PARP12: variants seen among roughly 807,000 people sequenced by gnomAD.
PARP12 encodes poly(ADP-ribose) polymerase family member 12.
Under a neutral mutation model 72.4 loss-of-function variants are expected in PARP12, and 59 were observed. The observed-to-expected ratio is 0.81, with a 90% CI of 0.66 to 1.01. PARP12 has a LOEUF of 1.01. PARP12 is among the 50% of genes least tolerant of loss of function. The pLI is 0.00. For missense variants in PARP12, 851 were observed against 914.0 expected, an observed-to-expected ratio of 0.93 and a Z score of 0.89; for synonymous variants, 403 against 371.4, an observed-to-expected ratio of 1.09 and a Z score of -0.98.
Position 140,038,819 on chromosome 7 carries a change from G to A in PARP12, c.1183-963C>T, listed in dbSNP as rs1297023157. Among the ~76,000 whole-genome samples the A allele has an allele frequency of 3.3e-5, 5 of 152,242 alleles. No individual in the cohort carries two copies. In the South Asian group the frequency reaches 6.2e-4, roughly 19 times the overall value. ...TACTAACAGAACAAAAGTGAGACAA[G>A]ACAAGAGTCACCCATGCCTCTGCGC... is the stretch of plus-strand genomic sequence containing the variant. On this transcript the variant is annotated intron_variant, in intron 6 of 11. Coordinates refer to ENST00000263549, the MANE Select transcript of PARP12 (RefSeq NM_022750.4).
intron 4 of PARP12, among the ~76,000 whole-genome samples, chr7:140,049,691 C>T (rs749363934): frequency 5.0e-4 from 76 of 152,172 alleles, no homozygotes; most frequent in Non-Finnish European, 9.7e-4. Context: ...AATCAAACAG[C>T]AGGCCTGAGG....
intron 6 of PARP12, chr7:140,038,186 A>G (rs1212362085): frequency 1.0e-6 from 1 of 985,418 alleles, no homozygotes; most frequent in East Asian, 1.1e-4. Context: ...GAACAGCAAC[A>G]GCGACTTCTG....
chr7:140,059,328 T>C (rs1044565310), intron 1 of PARP12, among the ~76,000 whole-genome samples: 3 of 151,888 alleles, frequency 2.0e-5, no homozygotes, highest in African/African-American at 7.2e-5. Context: ...CTTATCATTA[T>C]AGGTTACATA....
intron 5 of PARP12, among the ~76,000 whole-genome samples, chr7:140,044,184 A>G (rs1816616106): frequency 6.6e-6 from 1 of 152,196 alleles, no homozygotes; most frequent in African/African-American, 2.4e-5. Flanking sequence ...ACAGCCAGAG[A>G]GAAAAAAACA....
intron 5 of PARP12, among the ~76,000 whole-genome samples, chr7:140,045,632 G>C (rs1292272750): frequency 6.6e-6 from 1 of 151,952 alleles, no homozygotes; most frequent in East Asian, 1.9e-4. Flanking sequence ...TAGATTTCCA[G>C]AGCAGCCACT....
intron 9 of PARP12, 47 bp downstream of exon 9, chr7:140,028,566 T>C: frequency 6.7e-7 from 1 of 1,483,770 alleles, no homozygotes. Flanking sequence ...CACACCCACT[T>C]CTACAGAACA....
rs1281099635 is a variant in PARP12 at position 140,062,803 on chromosome 7, G to A, written c.45C>T (p.Cys15=). The A allele has an allele frequency of 2.1e-6, 3 of 1,414,896 alleles. No homozygotes were observed. Among genetic ancestry groups the A allele is most frequent in the Non-Finnish European group, 2.8e-6 (3 of 1,082,086 alleles). The allele number at this position is 1,414,896 out of a possible 1,614,324, so 87.6% of individuals were successfully genotyped here. ...GVVGEVTQVL[C]AAGGALELPE... The stretch of plus-strand genomic sequence containing the variant: ...GCAACTCCAGGGCGCCCCCGGCCGC[G>A]CACAGCACCTGGGTGACCTCACCGA... The change falls in exon 1 of 12, where the codon TGC becomes TGT. Residue 15 remains cysteine (C), a synonymous_variant. Coordinates refer to ENST00000263549, the MANE Select transcript of PARP12 (RefSeq NM_022750.4).
At chr7:140,026,034 C>A (rs1480152933) in intron 11 of PARP12, among the ~76,000 whole-genome samples, 163 bp downstream of exon 11, 1 of 152,260 alleles carries the variant, frequency 6.6e-6, no homozygotes, top group African/African-American at 2.4e-5. Flanking sequence ...CCCAGAGGAG[C>A]AAGAGCAAGG....
intron 8 of PARP12, chr7:140,033,907 T>G: frequency 1.7e-5 from 17 of 1,002,820 alleles, no homozygotes; most frequent in Non-Finnish European, 2.0e-5. Flanking sequence ...TTTAAAAAAT[T>G]CAAGTCTATG....
In PARP12 at chr7:140,027,262, G is replaced by T; in HGVS notation, c.1628+14C>A. 6.2e-7 allele frequency: 1 copy of T among 1,610,684 alleles called. No individual in the cohort carries two copies. The highest frequency in any genetic ancestry group is 1.1e-5 in the South Asian group (1 of 90,970). ...ACAGAGTCACCAGCCCACCAAGAGCGAGCCCCAACGCACCACTGGTAGACT... is the reference window on the plus strand; with the variant it reads ...ACAGAGTCACCAGCCCACCAAGAGCTAGCCCCAACGCACCACTGGTAGACT... On this transcript the variant is annotated intron_variant, in intron 10 of 11. Transcript: ENST00000263549.
rs541072621 is a variant in PARP12, at chr7:140,036,146, G to T, written c.1324+1569C>A. Among the ~76,000 whole-genome samples the T allele has an allele frequency of 5.3e-5, 8 of 152,310 alleles. No homozygotes were observed. The South Asian group carries it at 1.7e-3, about 32-fold the overall frequency. ...AGTCTGCAGGAATCATAAACTGCAC[G>T]TGTGTGCTCTTCCCCATCCCTATTA... On this transcript the variant is annotated intron_variant, in intron 7 of 11. Transcript: ENST00000263549.
chr7:140,034,122 G>A (rs1382150803), intron 8 of PARP12, 113 bp downstream of exon 8: 13 of 1,427,724 alleles, frequency 9.1e-6, no homozygotes, highest in East Asian at 2.8e-5. Context: ...GGAGCACTTC[G>A]TTGTACAAGC....
At chr7:140,050,492 T>C (rs1055410459) in intron 4 of PARP12, among the ~76,000 whole-genome samples, 3 of 152,014 alleles carry the variant, frequency 2.0e-5, no homozygotes, top group Admixed American at 2.0e-4. Context: ...CCACCATCAC[T>C]AGAATGAGGG....
chr7:140,034,280 C>A lies in PARP12; in HGVS notation c.1376G>T (p.Arg459Ile). The A allele has an allele frequency of 6.2e-7, 1 of 1,613,378 alleles. No homozygotes were observed. Among genetic ancestry groups the A allele is most frequent in the South Asian group, 1.1e-5 (1 of 90,942 alleles). The change falls in exon 8 of 12, where the codon AGA (arginine) becomes ATA (isoleucine). Residue 459 changes from arginine to isoleucine, a missense_variant. Physicochemically the swap from Arg to Ile is moderately conservative, Grantham distance 97. Transcript: ENST00000263549. The stretch of plus-strand genomic sequence containing the variant: ...ATCCTGGGGAGACACGTATTTGGGT[C>A]TGCGGCAAACCTTTTTAGTTGTGCC... ...VYGTTKKVCRRPKYVSPQDVT... is the reference protein window; with the variant it reads ...VYGTTKKVCRIPKYVSPQDVT...
intron 6 of PARP12, among the ~76,000 whole-genome samples, chr7:140,039,034 G>A (rs759776450): frequency 2.2e-4 from 34 of 152,214 alleles, no homozygotes; most frequent in African/African-American, 6.8e-4. Flanking sequence ...GCCCAAGCCC[G>A]AGGGATGACA....
At chr7:140,032,408 C>A (rs1815973340) in intron 8 of PARP12, among the ~76,000 whole-genome samples, 1 of 152,000 alleles carries the variant, frequency 6.6e-6, no homozygotes, top group Non-Finnish European at 1.5e-5. Flanking sequence ...AACTCCTGGG[C>A]TCAAGCGATC....
intron 6 of PARP12, chr7:140,038,162 T>C (rs1476294445): frequency 2.0e-6 from 2 of 985,254 alleles, no homozygotes; most frequent in African/African-American, 3.5e-5. Flanking sequence ...ACGGCAGCCA[T>C]TCAAATGCCG....
At position 140,024,378 on chromosome 7, in the gene PARP12, T is replaced by C; in HGVS notation, c.*182A>G. On this transcript the variant is annotated 3_prime_UTR_variant, in exon 12 of 12. Transcript: ENST00000263549. ...CAATCACTTCTGGTTAATCCACTAG[T>C]GAACCCAAAAGTGACTTAAAAGTAA... The C allele has an allele frequency of 1.3e-6, 1 of 743,592 alleles. No individual in the cohort carries two copies. The highest frequency in any genetic ancestry group is 2.2e-6 in the Non-Finnish European group (1 of 447,438). 46.1% of individuals were successfully genotyped at this position (743,592 alleles called of 1,614,324 possible).
rs190493615 is a variant in PARP12 at position 140,048,007 on chromosome 7, T to G, written c.863-1000A>C. Among the ~76,000 whole-genome samples the G allele has an allele frequency of 2.3e-3, 356 of 152,280 alleles. 2 individuals carry two copies. The highest frequency in any genetic ancestry group is 8.4e-3 in the African/African-American group (349 of 41,548). On this transcript the variant is annotated intron_variant, in intron 4 of 11. Transcript: ENST00000263549. ...GCTGATTATGCGAAGGTCAAAGGTC[T>G]CATCACTGCAGGGGGCAGTCTGACT...
Sources: gnomAD v4.1 joint callset for allele counts (sites outside exome capture counted in the v4.1 genomes callset) on GRCh38, gnomAD v4.1.1 for gene constraint, MANE v1.5 for transcripts, NCBI Gene and HGNC (gene_info 2026-07-23, HGNC 2026-07-21) for gene names.